Variants in YEATS2 observed in about 807,000 individuals in gnomAD.
YEATS2 encodes YEATS domain-containing protein 2.
YEATS2 carries 77 observed loss-of-function variants against 163.2 expected under a neutral mutation model. The observed-to-expected ratio is 0.47, with a 90% CI of 0.39 to 0.57. YEATS2 has a LOEUF of 0.57. Ranked by LOEUF, YEATS2 falls within the 20% of genes least tolerant of loss-of-function variation. The pLI is 0.00. For synonymous variants in YEATS2, 631 were observed against 645.1 expected (o/e 0.98, Z 0.33); for missense variants, 1,549 against 1,729.8 (o/e 0.90, Z 1.85).
At chr3:183,803,069 C>T in intron 25 of YEATS2, 187 bp from the exon 26 acceptor site, 1 of 613,842 alleles carries the variant, frequency 1.6e-6, no homozygotes, top group African/African-American at 1.8e-5. Flanking sequence ...GCTTTGAGTA[C>T]ACACGGCAAG....
intron 27 of YEATS2, 57 bp downstream of exon 27, chr3:183,804,245 G>T: frequency 6.3e-7 from 1 of 1,599,292 alleles, no homozygotes. Flanking sequence ...ATTTGCTGAG[G>T]TAGAGAGAGA....
intron 10 of YEATS2, 34 bp downstream of exon 10, chr3:183,752,287 C>T (rs1371997352): frequency 3.7e-6 from 6 of 1,611,560 alleles, no homozygotes; most frequent in Non-Finnish European, 5.1e-6. Context: ...TAGCGTTGTT[C>T]TGAGGCATTC....
At chr3:183,732,303 A>G (rs1577075250) in intron 7 of YEATS2, among the ~76,000 whole-genome samples, 3 of 151,652 alleles carry the variant, frequency 2.0e-5, no homozygotes, top group Admixed American at 1.3e-4. Context: ...ACAAAAAAAA[A>G]TTAGCCATGC....
intron 5 of YEATS2, 142 bp downstream of exon 5, chr3:183,722,278 CTTTTTTTTTTTTTTTT>C (rs200048624): frequency 1.9e-5 from 6 of 310,414 alleles, no homozygotes; most frequent in South Asian, 7.2e-5. Flanking sequence ...GAAACCAAAT[CTTTTTTTTTTTTTTTT>C]TTTTTTTTTT....
At chr3:183,729,546 A>G (rs1413729160) in intron 7 of YEATS2, among the ~76,000 whole-genome samples, 1 of 152,114 alleles carries the variant, frequency 6.6e-6, no homozygotes, top group African/African-American at 2.4e-5. Context: ...CTTAGAAGTA[A>G]CTCCCAATCA....
chr3:183,804,913 A>C (rs565066443), intron 27 of YEATS2, among the ~76,000 whole-genome samples: 4 of 151,254 alleles, frequency 2.6e-5, no homozygotes, highest in East Asian at 2.0e-4. Flanking sequence ...TGCTTGAACC[A>C]GGGAGGCGGA....
In YEATS2 at chr3:183,795,483, T is replaced by TTTTTTTTTTA. The variant is rs146253574; in HGVS notation, c.3098-2440_3098-2439insTTTTTTTTTA. On this transcript the variant is annotated intron_variant, in intron 21 of 30. Coordinates refer to ENST00000305135, the MANE Select transcript of YEATS2 (RefSeq NM_018023.5). Reference sequence around the variant, plus strand: ...TTTTTTTTTTTTTTTTTTTTTTTTTTAGAGACGGGGTCTTGCTTTGTTGCC... The same window carrying TTTTTTTTTTA: ...TTTTTTTTTTTTTTTTTTTTTTTTTTTTTTTTTTTAAGAGACGGGGTCTTGCTTTGTTGCC... 2.4e-5 allele frequency among the ~76,000 whole-genome samples: 3 copies of TTTTTTTTTTA among 124,012 alleles called. 1 individual carries two copies. Among genetic ancestry groups the TTTTTTTTTTA allele is most frequent in the East Asian group, 5.1e-4 (2 of 3,960 alleles). The allele number at this position is 124,012 out of a possible 152,430, so 81.4% of individuals were successfully genotyped here.
chr3:183,773,686 C>A lies in YEATS2; in HGVS notation c.2260C>A (p.Pro754Thr). 6.2e-7 allele frequency: 1 copy of A among 1,611,898 alleles called. No individual in the cohort carries two copies. Among genetic ancestry groups the A allele is most frequent in the Non-Finnish European group, 8.5e-7 (1 of 1,179,338 alleles). ...TAATTTGGCCAACTTGGCAAATTTG[C>A]CTCCTGGCACTAAACTCTACCTAAC... ...ATNLANLANL[P>T]PGTKLYLTTN... Residue 754 changes from proline (P) to threonine (T), a missense_variant, in exon 17 of 31, where the codon CCT (proline) becomes ACT (threonine). Transcript: ENST00000305135.
At chr3:183,736,555 T>A in intron 7 of YEATS2, among the ~76,000 whole-genome samples, 163 bp from the exon 8 acceptor site, 1 of 152,226 alleles carries the variant, frequency 6.6e-6, no homozygotes, top group East Asian at 1.9e-4. Context: ...TTAAAATTTA[T>A]CATTTTAGCA....
At chr3:183,803,922 T>C (rs1171360051) in intron 26 of YEATS2, 65 bp from the exon 27 acceptor site, 1 of 1,541,702 alleles carries the variant, frequency 6.5e-7, no homozygotes, top group Non-Finnish European at 8.9e-7. Flanking sequence ...TATGGTTGCA[T>C]GATACGTAGT....
intron 13 of YEATS2, among the ~76,000 whole-genome samples, chr3:183,760,382 C>T (rs769545850): frequency 7.3e-6 from 1 of 137,044 alleles, no homozygotes; most frequent in African/African-American, 2.8e-5. Context: ...AGTGCAGTGG[C>T]GCAATCTTGG....
intron 2 of YEATS2, among the ~76,000 whole-genome samples, chr3:183,715,483 A>T (rs778307003): frequency 6.6e-6 from 1 of 152,190 alleles, no homozygotes; most frequent in Non-Finnish European, 1.5e-5. Flanking sequence ...AGTGAAAGCG[A>T]GACAAACTGT....
intron 30 of YEATS2, chr3:183,810,177 G>T: frequency 3.2e-6 from 1 of 310,012 alleles, no homozygotes; most frequent in South Asian, 3.3e-5. Context: ...CTTTCGGTCT[G>T]CTGAGACTCA....
Position 183,800,585 on chromosome 3 carries a change from T to G in YEATS2, c.3428+17T>G, listed in dbSNP as rs201291008. ...TGTCATTAAGTAATTCTTCCAATCT[T>G]TCCTAAAGGAATTCCGCTTCGGGTG... On this transcript the variant is annotated intron_variant, in intron 24 of 30. Transcript: ENST00000305135. 6.2e-7 allele frequency: 1 copy of G among 1,604,948 alleles called. No individual in the cohort carries two copies. The highest frequency in any genetic ancestry group is 8.5e-7 in the Non-Finnish European group (1 of 1,172,342).
At position 183,747,617 on chromosome 3, in the gene YEATS2, T is replaced by C; in HGVS notation, c.925-55T>C. 2.7e-6 allele frequency: 4 copies of C among 1,470,984 alleles called. No individual in the cohort carries two copies. In the East Asian group the frequency reaches 9.2e-5, roughly 34 times the overall value. The allele number at this position is 1,470,984 out of a possible 1,614,324, so 91.1% of individuals were successfully genotyped here. ...TGTAGATAAAGATTGTATCCTATGA[T>C]AATATGTAAGTAAGTGCAGTGAAAT... On this transcript the variant is annotated intron_variant, in intron 8 of 30. Coordinates refer to ENST00000305135, the MANE Select transcript of YEATS2 (RefSeq NM_018023.5).
chr3:183,718,572 G>A lies in YEATS2; in HGVS notation c.271G>A (p.Gly91Ser). The change falls in exon 4 of 31, where the codon GGT (glycine) becomes AGT (serine). Residue 91 changes from glycine to serine, a missense_variant. Transcript: ENST00000305135. ...TGTAGCAAACTACTATGCTTCTGCAGGTCTTCTAAAAGTTTCTGAGGTAAG... is the reference window on the plus strand; with the variant it reads ...TGTAGCAAACTACTATGCTTCTGCAAGTCTTCTAAAAGTTTCTGAGGTAAG... ...CIVANYYASAGLLKVSEGSKT... is the reference protein window; with the variant it reads ...CIVANYYASASLLKVSEGSKT... 1 of 1,612,580 alleles carries A rather than the reference G, an allele frequency of 6.2e-7. No homozygotes were observed. Among genetic ancestry groups the A allele is most frequent in the Admixed American group, 1.7e-5 (1 of 59,782 alleles).
chr3:183,758,366 A>ATAAT (rs1553872604), intron 12 of YEATS2, among the ~76,000 whole-genome samples: 12 of 151,300 alleles, frequency 7.9e-5, no homozygotes, highest in Non-Finnish European at 1.5e-4. Flanking sequence ...CAGGAAAAAA[A>ATAAT]AATAATAATG....
chr3:183,700,770 CAAAAAAAAA>C (rs774835127), intron 1 of YEATS2, among the ~76,000 whole-genome samples: 2 of 37,754 alleles, frequency 5.3e-5, no homozygotes, highest in Non-Finnish European at 9.0e-5. Flanking sequence ...GACTTCGTCT[CAAAAAAAAA>C]AAAAAAAAAA....
chr3:183,794,485 G>A (rs1724953148), intron 21 of YEATS2, among the ~76,000 whole-genome samples: 1 of 152,214 alleles, frequency 6.6e-6, no homozygotes, highest in Non-Finnish European at 1.5e-5. Context: ...ATTACAGAGT[G>A]AGGGTAGAAC....
Sources: gnomAD v4.1 joint callset for allele counts (sites outside exome capture counted in the v4.1 genomes callset) on GRCh38, gnomAD v4.1.1 for gene constraint, MANE v1.5 for transcripts, NCBI Gene and HGNC (gene_info 2026-07-23, HGNC 2026-07-21) for gene names.